PI4KA: variants seen among roughly 807,000 people sequenced by gnomAD.
PI4KA encodes PI4-kinase alpha.
PI4KA carries 122 observed loss-of-function variants against 271.4 expected under a neutral mutation model. That is an observed-to-expected ratio of 0.45 (90% CI 0.39 to 0.52). The LOEUF (loss-of-function observed/expected upper bound fraction) is 0.52. PI4KA is among the 20% of genes least tolerant of loss of function. PI4KA has a pLI of 0.00. For synonymous variants in PI4KA, 1,041 were observed against 1,078.8 expected (o/e 0.96, Z 0.69); for missense variants, 1,969 against 2,769.1 (o/e 0.71, Z 6.48).
chr22:20,782,962 G>A (rs1933913242), intron 19 of PI4KA, among the ~76,000 whole-genome samples: 1 of 144,282 alleles, frequency 6.9e-6, no homozygotes, highest in Non-Finnish European at 1.5e-5. Flanking sequence ...CTACCCACCA[G>A]CTAGAAACCT....
intron 42 of PI4KA, among the ~76,000 whole-genome samples, chr22:20,722,901 A>G (rs1220570920): frequency 6.6e-6 from 1 of 152,236 alleles, no homozygotes; most frequent in African/African-American, 2.4e-5. Context: ...GTTTTTAAAT[A>G]TAAGTTTGCT....
At chr22:20,738,213 C>G (rs1928968256) in intron 32 of PI4KA, among the ~76,000 whole-genome samples, 2 of 152,070 alleles carry the variant, frequency 1.3e-5, no homozygotes, top group South Asian at 4.2e-4. Context: ...AGGATCGGGT[C>G]CCTCCTGAGC....
intron 1 of PI4KA, among the ~76,000 whole-genome samples, chr22:20,854,760 G>T (rs894320243): frequency 7.2e-6 from 1 of 138,122 alleles, no homozygotes; most frequent in Admixed American, 7.4e-5. Flanking sequence ...AGAGGGAAGA[G>T]AGAAGGGGAG....
At chr22:20,806,985 T>C (rs1345067013) in intron 10 of PI4KA, among the ~76,000 whole-genome samples, 1 of 152,146 alleles carries the variant, frequency 6.6e-6, no homozygotes, top group Non-Finnish European at 1.5e-5. Context: ...TCAGCCCACC[T>C]TGTCCTCCCA....
chr22:20,775,117 G>A (rs1933162424), intron 19 of PI4KA, among the ~76,000 whole-genome samples: 1 of 152,064 alleles, frequency 6.6e-6, no homozygotes, highest in Middle Eastern at 3.4e-3. Context: ...TTTATCAAGT[G>A]TTATGCTCTG....
At chr22:20,770,597 C>CGG (rs1932831495) in intron 19 of PI4KA, among the ~76,000 whole-genome samples, 1 of 141,874 alleles carries the variant, frequency 7.0e-6, no homozygotes, top group Non-Finnish European at 1.6e-5. Context: ...CACACACACA[C>CGG]ACACACACAC....
chr22:20,727,695 T>C (rs112140108), intron 40 of PI4KA, 79 bp downstream of exon 40: 2 of 1,117,210 alleles, frequency 1.8e-6, no homozygotes, highest in Non-Finnish European at 1.3e-6. Context: ...TTGTCTCATT[T>C]CTAGTTTCAG....
chr22:20,810,840 A>G (rs1935961795), intron 9 of PI4KA, 127 bp downstream of exon 9: 3 of 761,720 alleles, frequency 3.9e-6, no homozygotes, highest in Admixed American at 3.8e-5. Flanking sequence ...TTGTTACCAC[A>G]TGAACAAGGA....
chr22:20,791,529 G>C (rs542481406), intron 19 of PI4KA, among the ~76,000 whole-genome samples: 34 of 152,284 alleles, frequency 2.2e-4, no homozygotes, highest in Admixed American at 1.2e-3. Flanking sequence ...GCTGAAGTGG[G>C]GCAGATCACT....
At chr22:20,834,023 G>A (rs1350521613) in intron 3 of PI4KA, among the ~76,000 whole-genome samples, 2 of 152,124 alleles carry the variant, frequency 1.3e-5, no homozygotes, top group African/African-American at 4.8e-5. Context: ...CAGAGTGCTA[G>A]AATTACAGGA....
intron 19 of PI4KA, chr22:20,779,545 A>G: frequency 1.2e-6 from 2 of 1,614,050 alleles, no homozygotes; most frequent in Non-Finnish European, 1.7e-6. Flanking sequence ...GAGGACGACG[A>G]CTATCTGGAC....
In PI4KA at chr22:20,805,233, C is replaced by T. The variant is rs1037937179; in HGVS notation, c.1169-68G>A. ...AGTAGAACACAGGCAGTGCTAGCAG[C>T]GGCTACAGTCTTCCCCTTTTAACAA... On this transcript the variant is annotated intron_variant, in intron 10 of 54. Transcript: ENST00000255882. 44 of 1,090,588 alleles carry T rather than the reference C, an allele frequency of 4.0e-5. 1 individual carries two copies. Among genetic ancestry groups the T allele is most frequent in the Admixed American group, 1.5e-4 (8 of 52,592 alleles). 67.6% of individuals were successfully genotyped at this position (1,090,588 alleles called of 1,614,324 possible).
intron 1 of PI4KA, among the ~76,000 whole-genome samples, chr22:20,845,495 G>T (rs1397211234): frequency 1.3e-5 from 2 of 152,076 alleles, no homozygotes; most frequent in African/African-American, 2.4e-5. Flanking sequence ...AGTATTAATG[G>T]TATATTTTTC....
At chr22:20,858,197 C>G (rs922268036) in intron 1 of PI4KA, among the ~76,000 whole-genome samples, 1 of 152,204 alleles carries the variant, frequency 6.6e-6, no homozygotes. Context: ...GAAGCAGAAC[C>G]CCAGGTCTTG....
intron 8 of PI4KA, 83 bp from the exon 9 acceptor site, chr22:20,811,115 A>G (rs1935978442): frequency 4.0e-6 from 4 of 990,236 alleles, no homozygotes; most frequent in Middle Eastern, 2.1e-4. Context: ...AACCCATGAC[A>G]AACTCACATG....
At chr22:20,735,671 G>C (rs1189301305) in intron 32 of PI4KA, among the ~76,000 whole-genome samples, 3 of 152,188 alleles carry the variant, frequency 2.0e-5, no homozygotes, top group Non-Finnish European at 4.4e-5. Context: ...AAGCCATCTG[G>C]AGGCTGTGAG....
rs550704869 is a variant in PI4KA, at chr22:20,743,139, T to A, written c.3457-375A>T. 2.0e-5 allele frequency among the ~76,000 whole-genome samples: 3 copies of A among 152,206 alleles called. No individual in the cohort carries two copies. In the South Asian group the frequency reaches 6.2e-4, roughly 32 times the overall value. ...ACTCAATTAATGACTCAAACAACAA[T>A]ATCAGCCTCATTATTATTTTTTGAG... is the stretch of plus-strand genomic sequence containing the variant. On this transcript the variant is annotated intron_variant, in intron 30 of 54. Transcript: ENST00000255882.
Position 20,799,135 on chromosome 22 carries a change from C to A in PI4KA, c.1962G>T (p.Val654=). 6.2e-7 allele frequency: 1 copy of A among 1,613,436 alleles called. No individual in the cohort carries two copies. Among genetic ancestry groups the A allele is most frequent in the Non-Finnish European group, 8.5e-7 (1 of 1,179,750 alleles). The change falls in exon 16 of 55, where the codon GTG becomes GTT. Residue 654 remains valine (V), a synonymous_variant. Coordinates refer to ENST00000255882, the MANE Select transcript of PI4KA (RefSeq NM_058004.4). The stretch of plus-strand genomic sequence containing the variant: ...GGCAGCCCAGCTGGTCAATAATCAG[C>A]ACATCGAGGGGGGAGGGTGGCTGGC... ...KFCQPPSPLD[V]LIIDQLGCLV...
intron 43 of PI4KA, among the ~76,000 whole-genome samples, chr22:20,720,771 G>T (rs1321489072): frequency 1.3e-5 from 2 of 152,016 alleles, no homozygotes; most frequent in African/African-American, 4.8e-5. Context: ...TTAGTTTTTT[G>T]GGGAAAGTTA....
Sources: gnomAD v4.1 joint callset for allele counts (sites outside exome capture counted in the v4.1 genomes callset) on GRCh38, gnomAD v4.1.1 for gene constraint, MANE v1.5 for transcripts, NCBI Gene and HGNC (gene_info 2026-07-23, HGNC 2026-07-21) for gene names.